The following DLGAP1 variants were observed in gnomAD, a reference collection of about 807,000 sequenced individuals.
The protein encoded by DLGAP1 is disks large-associated protein 1.
In DLGAP1, 11 loss-of-function variants were observed where a neutral mutation model predicts 90.8. The ratio of observed to expected loss-of-function variants is 0.12; its 90% CI spans 0.08 to 0.20. DLGAP1 has a LOEUF of 0.20. Ranked by LOEUF, DLGAP1 falls within the 10% of genes least tolerant of loss-of-function variation. The pLI, the probability that DLGAP1 is intolerant of heterozygous loss-of-function variation, is 1.00. For missense variants in DLGAP1, 1,050 were observed against 1,333.8 expected (o/e 0.79, Z 3.31); for synonymous variants, 558 against 540.7 (o/e 1.03, Z -0.44).
chr18:3,676,321 C>T (rs933139129), intron 7 of DLGAP1, among the ~76,000 whole-genome samples: 5 of 152,168 alleles, frequency 3.3e-5, no homozygotes, highest in Non-Finnish European at 5.9e-5. Context: ...AATCAGACAC[C>T]GCCTCCTCAA....
chr18:4,350,139 G>T (rs923939554), intron 1 of DLGAP1, among the ~76,000 whole-genome samples: 1 of 152,072 alleles, frequency 6.6e-6, no homozygotes, highest in Admixed American at 6.6e-5. Context: ...GTATGCTTCA[G>T]ATATCTGTTG....
At chr18:4,300,176 A>C (rs2143242568) in intron 1 of DLGAP1, among the ~76,000 whole-genome samples, 1 of 152,310 alleles carries the variant, frequency 6.6e-6, no homozygotes. Context: ...CACAATGATA[A>C]TCCATGACAA....
At chr18:4,209,339 T>C (rs914585913) in intron 1 of DLGAP1, among the ~76,000 whole-genome samples, 1 of 152,166 alleles carries the variant, frequency 6.6e-6, no homozygotes, top group African/African-American at 2.4e-5. Flanking sequence ...AAAAGGGCCA[T>C]AAAGAGAAAC....
intron 7 of DLGAP1, among the ~76,000 whole-genome samples, chr18:3,699,107 G>C (rs1567979951): frequency 6.6e-6 from 1 of 151,940 alleles, no homozygotes; most frequent in Admixed American, 6.6e-5. Flanking sequence ...TTGCTCGGAG[G>C]AGTTTGTTAT....
chr18:4,440,994 T>C (rs188912729), intron 1 of DLGAP1, among the ~76,000 whole-genome samples: 1 of 152,360 alleles, frequency 6.6e-6, no homozygotes, highest in East Asian at 1.9e-4. Context: ...CGGCCTGAAT[T>C]GCAAAGAATT....
chr18:4,229,115 ATTAAC>A (rs1353355794), intron 1 of DLGAP1, among the ~76,000 whole-genome samples: 1 of 152,038 alleles, frequency 6.6e-6, no homozygotes, highest in African/African-American at 2.4e-5. Flanking sequence ...ATACCTAGAA[ATTAAC>A]TTAACCAAAG....
At chr18:4,269,575 C>A (rs1035846582) in intron 1 of DLGAP1, among the ~76,000 whole-genome samples, 1 of 151,934 alleles carries the variant, frequency 6.6e-6, no homozygotes. Context: ...AGGATGGTCT[C>A]GATCTCCTGA....
At chr18:4,042,533 T>C (rs2074990945) in intron 2 of DLGAP1, among the ~76,000 whole-genome samples, 1 of 151,826 alleles carries the variant, frequency 6.6e-6, no homozygotes, top group Non-Finnish European at 1.5e-5. Flanking sequence ...ATGTCAGGAG[T>C]TCGAGACAAG....
chr18:4,305,076 A>C, intron 1 of DLGAP1, among the ~76,000 whole-genome samples: 1 of 152,172 alleles, frequency 6.6e-6, no homozygotes, highest in African/African-American at 2.4e-5. Context: ...AAATTAAAAC[A>C]ATATTTTTGT....
rs146099448 is a variant in DLGAP1, at chr18:3,570,469, G to A, written c.1966-2888C>T. Reference sequence around the variant, plus strand: ...AATTTTTGTATTTTTCGTAGAGACGGGATTTCACTACATTGGCCAGGCTGG... The same window carrying A: ...AATTTTTGTATTTTTCGTAGAGACGAGATTTCACTACATTGGCCAGGCTGG... On this transcript the variant is annotated intron_variant, in intron 8 of 12. Coordinates refer to ENST00000315677, the MANE Select transcript of DLGAP1 (RefSeq NM_004746.4). 1.7e-3 allele frequency among the ~76,000 whole-genome samples: 254 copies of A among 151,746 alleles called. 1 individual carries two copies. The highest frequency in any genetic ancestry group is 6.0e-3 in the African/African-American group (249 of 41,452).
chr18:4,233,389 G>A (rs1010818247), intron 1 of DLGAP1, among the ~76,000 whole-genome samples: 3 of 152,140 alleles, frequency 2.0e-5, no homozygotes, highest in African/African-American at 7.2e-5. Context: ...TTTGCATAAG[G>A]TCTTTCAGTT....
intron 7 of DLGAP1, among the ~76,000 whole-genome samples, chr18:3,656,876 G>A (rs945659325): frequency 1.3e-5 from 2 of 151,706 alleles, no homozygotes; most frequent in Non-Finnish European, 1.5e-5. Context: ...CCTCCCGAGT[G>A]GCTGGGACTA....
At position 3,502,155 on chromosome 18, in the gene DLGAP1, T is replaced by C. The variant is rs567949874; in HGVS notation, c.2724+338A>G. 3.2e-5 allele frequency: 37 copies of C among 1,138,592 alleles called. No individual in the cohort carries two copies. In the African/African-American group the frequency reaches 5.5e-4, roughly 17 times the overall value. 70.5% of individuals were successfully genotyped at this position (1,138,592 alleles called of 1,614,324 possible). On this transcript the variant is annotated intron_variant, in intron 12 of 12. Transcript: ENST00000315677. The stretch of plus-strand genomic sequence containing the variant: ...GTTGAACTCTTGTTCTATGGATTCA[T>C]GCACTGAAGATGTCATTTATTTTAG...
intron 7 of DLGAP1, among the ~76,000 whole-genome samples, chr18:3,645,686 TTA>T (rs757515049): frequency 1.2e-4 from 18 of 152,238 alleles, no homozygotes; most frequent in Non-Finnish European, 2.2e-4. Context: ...ATAATTCCTT[TTA>T]TATATTCCTG....
Position 4,280,480 on chromosome 18 carries a change from A to G in DLGAP1, c.-266-129193T>C, listed in dbSNP as rs150976826. On this transcript the variant is annotated intron_variant, in intron 1 of 12. Transcript: ENST00000315677. ...TGCTGAGTATTTACTCCCTGACTTC[A>G]TATCACAATATATCCAGTTAATGGT... Among the ~76,000 whole-genome samples, 401 of 152,326 alleles carry G rather than the reference A, an allele frequency of 2.6e-3. 1 individual carries two copies. The highest frequency in any genetic ancestry group is 9.1e-3 in the African/African-American group (377 of 41,576).
chr18:3,541,176 T>C (rs1392239769), intron 9 of DLGAP1, among the ~76,000 whole-genome samples: 2 of 152,058 alleles, frequency 1.3e-5, no homozygotes. Context: ...GGCTTGTAAG[T>C]CCGATGGTTT....
chr18:4,357,111 G>A (rs201456692), intron 1 of DLGAP1, among the ~76,000 whole-genome samples: 6 of 114,286 alleles, frequency 5.2e-5, no homozygotes, highest in Admixed American at 8.9e-5. Flanking sequence ...GTGTGTGTGT[G>A]TACGATATAC....
chr18:3,513,900 G>C (rs1374903281), intron 10 of DLGAP1, among the ~76,000 whole-genome samples: 2 of 152,114 alleles, frequency 1.3e-5, no homozygotes, highest in Admixed American at 6.5e-5. Context: ...GAGGCACAAG[G>C]ATGAAGAGAA....
At chr18:4,265,635 CTCCCCT>C (rs2079105226) in intron 1 of DLGAP1, among the ~76,000 whole-genome samples, 12 of 49,462 alleles carry the variant, frequency 2.4e-4, no homozygotes, top group African/African-American at 2.1e-3. Context: ...CCTTCCCTCC[CTCCCCT>C]TCCCTCCCTC....
Sources: allele counts gnomAD v4.1 joint callset (sites outside exome capture counted in the v4.1 genomes callset), GRCh38; gene constraint gnomAD v4.1.1; transcripts MANE v1.5; gene names NCBI Gene and HGNC (gene_info 2026-07-23, HGNC 2026-07-21).